SPAG17: variants seen among roughly 807,000 people sequenced by gnomAD.
The protein encoded by SPAG17 is sperm associated antigen 17.
Under a neutral mutation model 273.6 loss-of-function variants are expected in SPAG17, and 169 were observed. That is an observed-to-expected ratio of 0.62 (90% CI 0.55 to 0.70). SPAG17 has a LOEUF of 0.70. SPAG17 is among the 30% of genes least tolerant of loss of function. The pLI, the probability that SPAG17 is intolerant of heterozygous loss-of-function variation, is 0.00. For synonymous variants in SPAG17, 825 were observed against 873.2 expected, an observed-to-expected ratio of 0.94 and a Z score of 0.97; for missense variants, 2,557 against 2,627.8, an observed-to-expected ratio of 0.97 and a Z score of 0.59.
At chr1:117,996,905 A>G (rs1264311892) in intron 32 of SPAG17, among the ~76,000 whole-genome samples, 162 bp from the exon 33 acceptor site, 2 of 152,148 alleles carry the variant, frequency 1.3e-5, no homozygotes, top group African/African-American at 2.4e-5. Flanking sequence ...TGCATTAATA[A>G]AAGTAAAAAC....
intron 48 of SPAG17, chr1:117,954,977 AAG>A: frequency 5.2e-6 from 2 of 382,812 alleles, no homozygotes; most frequent in Non-Finnish European, 9.3e-6. Flanking sequence ...TGAGATAAAG[AAG>A]AGAGAGAGGG....
chr1:117,960,319 G>A (rs1652894562), intron 48 of SPAG17: 1 of 152,052 alleles, frequency 6.6e-6, no homozygotes, highest in Admixed American at 6.5e-5. Context: ...CCTGACTGAT[G>A]TATTATATAT....
At chr1:117,974,911 C>G (rs1654974642) in intron 43 of SPAG17, among the ~76,000 whole-genome samples, 1 of 152,154 alleles carries the variant, frequency 6.6e-6, no homozygotes, top group African/African-American at 2.4e-5. Context: ...CAGTGATAAT[C>G]TTGGACTGCT....
intron 38 of SPAG17, among the ~76,000 whole-genome samples, chr1:117,988,415 C>A (rs533656550): frequency 1.3e-5 from 2 of 152,264 alleles, no homozygotes; most frequent in South Asian, 4.1e-4. Context: ...AACTTATAGT[C>A]AAAATGTAAA....
At chr1:117,980,167 T>A (rs1431784485) in intron 43 of SPAG17, among the ~76,000 whole-genome samples, 2 of 152,206 alleles carry the variant, frequency 1.3e-5, no homozygotes, top group East Asian at 3.9e-4. Flanking sequence ...ATAAAACTTG[T>A]AGGAGAGAAG....
At chr1:118,073,594 G>A (rs1425877599) in intron 17 of SPAG17, among the ~76,000 whole-genome samples, 2 of 152,038 alleles carry the variant, frequency 1.3e-5, no homozygotes, top group Non-Finnish European at 2.9e-5. Context: ...ATATATATAT[G>A]CAGCAGTCTT....
intron 32 of SPAG17, 50 bp from the exon 33 acceptor site, chr1:117,996,793 T>C: frequency 1.3e-6 from 2 of 1,519,134 alleles, no homozygotes; most frequent in South Asian, 2.6e-5. Context: ...GTCATAATGC[T>C]TAAACTTCTG....
chr1:118,011,502 A>G (rs1032230009), intron 30 of SPAG17, among the ~76,000 whole-genome samples: 19 of 152,180 alleles, frequency 1.2e-4, no homozygotes, highest in African/African-American at 4.3e-4. Flanking sequence ...CATCTCACTT[A>G]TAAGTGGGAG....
At chr1:117,972,712 A>T (rs569669791) in intron 44 of SPAG17, among the ~76,000 whole-genome samples, 1 of 152,270 alleles carries the variant, frequency 6.6e-6, no homozygotes, top group East Asian at 1.9e-4. Context: ...ATATATTGTC[A>T]GTTATATATA....
chr1:117,965,157 A>C (rs1332794364), intron 47 of SPAG17: 1 of 152,204 alleles, frequency 6.6e-6, no homozygotes, highest in Non-Finnish European at 1.5e-5. Context: ...TACCTTTTGC[A>C]ATTTAGTTTT....
chr1:117,971,041 A>T (rs758884425), intron 45 of SPAG17, among the ~76,000 whole-genome samples: 1 of 151,832 alleles, frequency 6.6e-6, no homozygotes, highest in Non-Finnish European at 1.5e-5. Flanking sequence ...TTCAAACTGG[A>T]TGCTTCTATC....
intron 3 of SPAG17, among the ~76,000 whole-genome samples, chr1:118,126,023 A>G (rs911986228): frequency 7.0e-6 from 1 of 142,780 alleles, no homozygotes; most frequent in African/African-American, 2.5e-5. Context: ...TAGCATCCTC[A>G]CCAGCCTCTG....
chr1:118,108,510 T>C (rs1346807936), intron 4 of SPAG17, among the ~76,000 whole-genome samples: 1 of 152,184 alleles, frequency 6.6e-6, no homozygotes, highest in Non-Finnish European at 1.5e-5. Context: ...TGGCCTTTCT[T>C]GCTTCTGGAT....
At chr1:118,050,203 C>T (rs749965484) in intron 20 of SPAG17, among the ~76,000 whole-genome samples, 3 of 152,182 alleles carry the variant, frequency 2.0e-5, no homozygotes, top group Non-Finnish European at 2.9e-5. Context: ...AGAAGTGATG[C>T]AAGACCCTGG....
At position 118,066,732 on chromosome 1, in the gene SPAG17, C is replaced by G; in HGVS notation, c.2540+13G>C. Reference sequence around the variant, plus strand: ...CCAACTAACTAATTAACTAAACTTTCCAAATTTGTTACCTGAATCCAACAT... The same window carrying G: ...CCAACTAACTAATTAACTAAACTTTGCAAATTTGTTACCTGAATCCAACAT... On this transcript the variant is annotated intron_variant, in intron 18 of 48. Coordinates refer to ENST00000336338, the MANE Select transcript of SPAG17 (RefSeq NM_206996.4). The G allele has an allele frequency of 6.2e-7, 1 of 1,603,988 alleles. No homozygotes were observed. Among genetic ancestry groups the G allele is most frequent in the Non-Finnish European group, 8.5e-7 (1 of 1,176,180 alleles).
At chr1:118,148,725 T>C (rs550121341) in intron 3 of SPAG17, among the ~76,000 whole-genome samples, 2 of 152,272 alleles carry the variant, frequency 1.3e-5, no homozygotes, top group East Asian at 1.9e-4. Context: ...TAAACAGAAA[T>C]AGATTCATGA....
chr1:117,970,661 C>T (rs902016012), intron 45 of SPAG17, among the ~76,000 whole-genome samples: 1 of 152,120 alleles, frequency 6.6e-6, no homozygotes, highest in African/African-American at 2.4e-5. Context: ...TTTGTGGGGT[C>T]TGCTTGAAGG....
intron 27 of SPAG17, among the ~76,000 whole-genome samples, chr1:118,023,800 C>T (rs866017018): frequency 1.3e-4 from 20 of 151,766 alleles, no homozygotes; most frequent in African/African-American, 4.6e-4. Flanking sequence ...AAATTATATA[C>T]TCTATTTCAA....
chr1:118,097,888 G>T, intron 6 of SPAG17, 37 bp from the exon 7 acceptor site: 2 of 1,432,338 alleles, frequency 1.4e-6, no homozygotes, highest in East Asian at 2.4e-5. Flanking sequence ...CCAAATGAGA[G>T]TGTTAAATGT....
Sources: gnomAD v4.1 joint callset for allele counts (sites outside exome capture counted in the v4.1 genomes callset) on GRCh38, gnomAD v4.1.1 for gene constraint, MANE v1.5 for transcripts, NCBI Gene and HGNC (gene_info 2026-07-23, HGNC 2026-07-21) for gene names.